Variants in NUTM2E observed in about 807,000 individuals in gnomAD.
NUTM2E encodes NUT family member 2E.
Under a neutral mutation model 26.1 loss-of-function variants are expected in NUTM2E, and 3 were observed. That is an observed-to-expected ratio of 0.12 (90% CI 0.05 to 0.30). The LOEUF is 0.30. Ranked by LOEUF, NUTM2E falls within the 10% of genes least tolerant of loss-of-function variation. The pLI, the probability that NUTM2E is intolerant of heterozygous loss-of-function variation, is 1.00. For missense variants in NUTM2E, 62 were observed against 381.3 expected (o/e 0.16, Z 6.97); for synonymous variants, 13 against 157.5 (o/e 0.08, Z 6.87).
intron 1 of NUTM2E, among the ~76,000 whole-genome samples, chr10:79,829,209 G>A (rs532913557): frequency 6.6e-6 from 1 of 151,640 alleles, no homozygotes; most frequent in Non-Finnish European, 1.5e-5. Flanking sequence ...GTGGGACAGG[G>A]GTGATATACT....
At chr10:79,832,474 G>C (rs1208015764) in intron 1 of NUTM2E, among the ~76,000 whole-genome samples, 1 of 151,652 alleles carries the variant, frequency 6.6e-6, no homozygotes, top group Non-Finnish European at 1.5e-5. Context: ...TTCAGTATGA[G>C]GCATAGTTGG....
intron 1 of NUTM2E, among the ~76,000 whole-genome samples, chr10:79,835,018 T>G (rs1008502878): frequency 1.3e-5 from 2 of 151,510 alleles, no homozygotes; most frequent in African/African-American, 4.8e-5. Flanking sequence ...ACTTTTAATA[T>G]TTTTAAATAA....
intron 1 of NUTM2E, among the ~76,000 whole-genome samples, chr10:79,834,698 TA>T (rs1194187263): frequency 6.8e-6 from 1 of 147,566 alleles, no homozygotes; most frequent in African/African-American, 2.5e-5. Context: ...TAAAATACAA[TA>T]AAAAATAAAA....
chr10:79,840,761 G>A lies in NUTM2E; in HGVS notation c.-980G>A, dbSNP rs549390729. ...CAGTGAATGTTTGCAGTGTGCACCG[G>A]TCTGGCTGAAGGCCTCTTCCCTTCC... On this transcript the variant is annotated 5_prime_UTR_variant, in exon 4 of 10. Transcript: ENST00000429984. 0.026 allele frequency among the ~76,000 whole-genome samples: 3,802 copies of A among 145,120 alleles called. 215 individuals are homozygous for A. Among genetic ancestry groups the A allele is most frequent in the African/African-American group, 0.092 (3,591 of 38,856 alleles).
chr10:79,832,572 A>G (rs1841933882), intron 1 of NUTM2E, among the ~76,000 whole-genome samples: 1 of 151,786 alleles, frequency 6.6e-6, no homozygotes, highest in African/African-American at 2.4e-5. Flanking sequence ...AAACATTTTT[A>G]CATTGCCTAC....
At chr10:79,830,511 A>G (rs953997455) in intron 1 of NUTM2E, among the ~76,000 whole-genome samples, 6 of 151,928 alleles carry the variant, frequency 3.9e-5, no homozygotes, top group African/African-American at 1.2e-4. Context: ...ACATTTGTCA[A>G]TGAAAGTAAT....
chr10:79,830,569 G>A (rs913678212), intron 1 of NUTM2E, among the ~76,000 whole-genome samples: 4 of 151,598 alleles, frequency 2.6e-5, no homozygotes, highest in African/African-American at 9.7e-5. Flanking sequence ...TAACTTACTT[G>A]TGATGCCATA....
Position 79,832,898 on chromosome 10 carries a change from G to A in NUTM2E, c.-2727-5411G>A, listed in dbSNP as rs936037060. ...GTGTATGTGTGTGTGTGTATATGTG[G>A]GCATGCCTATAGGTATAGTTGTGTG... On this transcript the variant is annotated intron_variant, in intron 1 of 9. Coordinates refer to ENST00000429984, the MANE Select transcript of NUTM2E (RefSeq NM_001355263.2). Among the ~76,000 whole-genome samples, 8 of 151,652 alleles carry A rather than the reference G, an allele frequency of 5.3e-5. 1 individual carries two copies. Among genetic ancestry groups the A allele is most frequent in the African/African-American group, 4.8e-5 (2 of 41,324 alleles).
intron 1 of NUTM2E, among the ~76,000 whole-genome samples, chr10:79,833,513 CAA>C (rs1209431000): frequency 3.3e-5 from 5 of 151,242 alleles, no homozygotes; most frequent in African/African-American, 1.2e-4. Flanking sequence ...AACAAATTCA[CAA>C]GAGAAAAACA....
intron 8 of NUTM2E, among the ~76,000 whole-genome samples, 160 bp downstream of exon 8, chr10:79,849,055 G>A (rs561249351): frequency 3.1e-3 from 344 of 112,462 alleles, no homozygotes; most frequent in African/African-American, 8.4e-3. Context: ...GTTTGTGTCT[G>A]TGGTTTGTTA....
chr10:79,835,040 G>A (rs989868815), intron 1 of NUTM2E, among the ~76,000 whole-genome samples: 2 of 150,394 alleles, frequency 1.3e-5, no homozygotes, highest in African/African-American at 4.9e-5. Flanking sequence ...CTGCCTTGTT[G>A]CTGTGATTTG....
chr10:79,828,146 T>C (rs2259113), intron 1 of NUTM2E, among the ~76,000 whole-genome samples: 134,640 of 150,904 alleles, frequency 0.89, 60,844 homozygotes, highest in East Asian at 1. Context: ...ATGAGGCAAC[T>C]GATTTAAGGA....
At chr10:79,831,450 A>G (rs1420429834) in intron 1 of NUTM2E, among the ~76,000 whole-genome samples, 1 of 151,138 alleles carries the variant, frequency 6.6e-6, no homozygotes, top group Non-Finnish European at 1.5e-5. Context: ...CGTAAGTCTA[A>G]GTACAAATTT....
chr10:79,832,400 A>G (rs1448578408), intron 1 of NUTM2E, among the ~76,000 whole-genome samples: 1 of 151,680 alleles, frequency 6.6e-6, no homozygotes, highest in Non-Finnish European at 1.5e-5. Context: ...AAAATATTCT[A>G]TTGATCCTGG....
intron 1 of NUTM2E, among the ~76,000 whole-genome samples, chr10:79,837,332 G>C (rs1841969940): frequency 6.6e-6 from 1 of 151,960 alleles, no homozygotes; most frequent in Non-Finnish European, 1.5e-5. Flanking sequence ...GTATATTAAG[G>C]CTTGAACATA....
intron 1 of NUTM2E, among the ~76,000 whole-genome samples, chr10:79,836,050 G>A (rs2478673): frequency 0.88 from 133,656 of 151,028 alleles, 59,710 homozygotes; most frequent in Non-Finnish European, 0.95. Context: ...ATGTGATTAT[G>A]AAACACATTT....
In NUTM2E at chr10:79,826,981, T is replaced by G. The variant is rs1388814516; in HGVS notation, c.-3104T>G. On this transcript the variant is annotated 5_prime_UTR_variant, in exon 1 of 10. Transcript: ENST00000429984. ...CACCCAGCATTGAGCTGCCAGCGGCTGTTCTCCCTAAGCACCCTCGCTCAC... is the reference window on the plus strand; with the variant it reads ...CACCCAGCATTGAGCTGCCAGCGGCGGTTCTCCCTAAGCACCCTCGCTCAC... 4 of 132,352 alleles carry G rather than the reference T, an allele frequency of 3.0e-5. No homozygotes were observed. The highest frequency in any genetic ancestry group is 1.1e-4 in the African/African-American group (4 of 35,998). 8.2% of individuals were successfully genotyped at this position (132,352 alleles called of 1,614,324 possible).
chr10:79,827,795 G>GTTTTTTTTTTTTTTTT (rs57414762), intron 1 of NUTM2E, among the ~76,000 whole-genome samples: 1 of 127,738 alleles, frequency 7.8e-6, no homozygotes, highest in Non-Finnish European at 1.7e-5. Context: ...TTTTTTTTTT[G>GTTTTTTTTTTTTTTTT]TTTTTTTTTT....
At chr10:79,836,586 T>A (rs1841964889) in intron 1 of NUTM2E, among the ~76,000 whole-genome samples, 1 of 151,938 alleles carries the variant, frequency 6.6e-6, no homozygotes, top group Non-Finnish European at 1.5e-5. Flanking sequence ...CAGTAGCATA[T>A]TTTATGATGA....
Sources: allele counts gnomAD v4.1 joint callset (sites outside exome capture counted in the v4.1 genomes callset), GRCh38; gene constraint gnomAD v4.1.1; transcripts MANE v1.5; gene names NCBI Gene and HGNC (gene_info 2026-07-23, HGNC 2026-07-21).